Variants in SOX5 observed in about 807,000 individuals in gnomAD.
SOX5 encodes the protein SRY-box transcription factor 5.
SOX5 carries 9 observed loss-of-function variants against 92.0 expected under a neutral mutation model. The ratio of observed to expected loss-of-function variants is 0.10; its 90% confidence interval spans 0.06 to 0.17. SOX5 has a LOEUF of 0.17. Ranked by LOEUF, SOX5 falls within the 10% of genes least tolerant of loss-of-function variation. The pLI is 1.00. For synonymous variants in SOX5, 344 were observed against 336.3 expected (o/e 1.02, Z -0.25); for missense variants, 642 against 944.5 (o/e 0.68, Z 4.20).
chr12:24,317,475 G>A (rs186683927), intron 2 of SOX5, among the ~76,000 whole-genome samples: 60 of 152,254 alleles, frequency 3.9e-4, no homozygotes, highest in Middle Eastern at 6.8e-3. Context: ...GACAGTCTTG[G>A]TCTAGTCATT....
chr12:24,009,323 G>T (rs190100532), intron 4 of SOX5, among the ~76,000 whole-genome samples: 4 of 152,160 alleles, frequency 2.6e-5, no homozygotes, highest in Non-Finnish European at 5.9e-5. Flanking sequence ...ACAGAATTGG[G>T]TATTGTGTGG....
intron 3 of SOX5, among the ~76,000 whole-genome samples, chr12:24,245,607 T>C (rs1049702997): frequency 1.1e-4 from 17 of 151,980 alleles, no homozygotes; most frequent in Non-Finnish European, 2.2e-4. Context: ...TTTGCCAGCT[T>C]GGGGGTAGGG....
chr12:24,262,938 T>C (rs1349486732), intron 3 of SOX5, among the ~76,000 whole-genome samples: 1 of 152,170 alleles, frequency 6.6e-6, no homozygotes, highest in Non-Finnish European at 1.5e-5. Context: ...AGGAAATTAC[T>C]GGGCTGCGCG....
At chr12:24,313,849 A>T (rs1949444377) in intron 2 of SOX5, among the ~76,000 whole-genome samples, 1 of 152,192 alleles carries the variant, frequency 6.6e-6, no homozygotes, top group Non-Finnish European at 1.5e-5. Context: ...GGAATGGCAA[A>T]CTTACTGTTT....
chr12:23,566,134 T>A (rs1307457974), intron 10 of SOX5, among the ~76,000 whole-genome samples: 1 of 152,208 alleles, frequency 6.6e-6, no homozygotes, highest in African/African-American at 2.4e-5. Context: ...CTATTTCTCA[T>A]TTATATCATC....
intron 1 of SOX5, among the ~76,000 whole-genome samples, chr12:23,915,849 T>C (rs1381475411): frequency 6.6e-6 from 1 of 152,204 alleles, no homozygotes; most frequent in Non-Finnish European, 1.5e-5. Flanking sequence ...TCCCTCATTC[T>C]ATGTGCAGGA....
At chr12:23,845,197 T>C (rs112533072) in intron 3 of SOX5, among the ~76,000 whole-genome samples, 10,467 of 152,284 alleles carry the variant, frequency 0.069, 451 homozygotes, top group East Asian at 0.11. Flanking sequence ...TGTTTATTTG[T>C]TTTAAATTTC....
At chr12:24,240,327 C>T (rs1361599973) in intron 3 of SOX5, among the ~76,000 whole-genome samples, 1 of 152,164 alleles carries the variant, frequency 6.6e-6, no homozygotes, top group Non-Finnish European at 1.5e-5. Flanking sequence ...CCTCTGTTTC[C>T]TGTTCTTCAT....
chr12:23,818,164 T>C (rs2096033764), intron 3 of SOX5, among the ~76,000 whole-genome samples: 1 of 152,204 alleles, frequency 6.6e-6, no homozygotes, highest in South Asian at 2.1e-4. Flanking sequence ...ACGACAAGGA[T>C]ATCTTCTGAG....
At chr12:24,181,001 A>C (rs1459071979) in intron 4 of SOX5, among the ~76,000 whole-genome samples, 1 of 152,182 alleles carries the variant, frequency 6.6e-6, no homozygotes, top group Non-Finnish European at 1.5e-5. Flanking sequence ...TGGTGTTTAA[A>C]GAGAAGTATT....
At chr12:24,518,765 TA>T (rs1813492518) in intron 1 of SOX5, among the ~76,000 whole-genome samples, 1 of 152,236 alleles carries the variant, frequency 6.6e-6, no homozygotes, top group South Asian at 2.1e-4. Flanking sequence ...TAATGAATGT[TA>T]ATCATCTGTC....
chr12:24,180,089 A>AATTATGGG (rs1325860130), intron 4 of SOX5, among the ~76,000 whole-genome samples: 1 of 151,914 alleles, frequency 6.6e-6, no homozygotes, highest in African/African-American at 2.4e-5. Flanking sequence ...GGATTATAGG[A>AATTATGGG]ATTATAGGAT....
intron 8 of SOX5, among the ~76,000 whole-genome samples, chr12:23,607,895 T>C (rs971950807): frequency 1.3e-5 from 2 of 152,060 alleles, no homozygotes; most frequent in Admixed American, 6.6e-5. Flanking sequence ...TTATGATGAA[T>C]GTATTTTTAT....
intron 2 of SOX5, among the ~76,000 whole-genome samples, chr12:24,324,894 C>T (rs78650512): frequency 6.6e-6 from 1 of 151,870 alleles, no homozygotes; most frequent in South Asian, 2.1e-4. Flanking sequence ...ACCTAGAAAA[C>T]TTACTGAATC....
chr12:23,599,121 G>T (rs1417297080), intron 9 of SOX5, among the ~76,000 whole-genome samples: 1 of 152,162 alleles, frequency 6.6e-6, no homozygotes, highest in South Asian at 2.1e-4. Context: ...TCCCTAATAG[G>T]AGTCATCGGC....
chr12:24,407,190 A>G (rs936355398), intron 1 of SOX5, among the ~76,000 whole-genome samples: 5 of 152,340 alleles, frequency 3.3e-5, no homozygotes, highest in African/African-American at 1.2e-4. Flanking sequence ...TCTAGAAGAA[A>G]CTAAGAGAAG....
At chr12:23,864,141 A>G (rs2096786672) in intron 2 of SOX5, among the ~76,000 whole-genome samples, 1 of 152,130 alleles carries the variant, frequency 6.6e-6, no homozygotes, top group Non-Finnish European at 1.5e-5. Context: ...ATCTGTGCTC[A>G]GTAATCTTTG....
At chr12:23,723,581 TAC>T (rs1175467347) in intron 6 of SOX5, among the ~76,000 whole-genome samples, 17 of 131,836 alleles carry the variant, frequency 1.3e-4, no homozygotes, top group Admixed American at 7.7e-4. Flanking sequence ...TATATATATA[TAC>T]ACACACACAC....
At chr12:23,772,442 CACTT>C (rs1472421998) in intron 3 of SOX5, among the ~76,000 whole-genome samples, 12 of 152,162 alleles carry the variant, frequency 7.9e-5, no homozygotes, top group African/African-American at 2.2e-4. Context: ...TATGGAAAAT[CACTT>C]ACATCTTCTG....
Sources: allele counts gnomAD v4.1 joint callset (sites outside exome capture counted in the v4.1 genomes callset), GRCh38; gene constraint gnomAD v4.1.1; transcripts MANE v1.5; gene names NCBI Gene and HGNC (gene_info 2026-07-23, HGNC 2026-07-21).